The following SAMD12 variants were observed in gnomAD, a reference collection of about 807,000 sequenced individuals.
The protein encoded by SAMD12 is sterile alpha motif domain containing 12.
In SAMD12, 9 loss-of-function variants were observed where a neutral mutation model predicts 15.0. That is an observed-to-expected ratio of 0.60 (90% CI 0.36 to 1.05). The LOEUF (loss-of-function observed/expected upper bound fraction) is 1.05. Among genes scored for constraint, SAMD12 ranks in the 50% least tolerant of loss-of-function variants. The pLI, the probability that SAMD12 is intolerant of heterozygous loss-of-function variation, is 0.01. For synonymous variants in SAMD12, 86 were observed against 90.1 expected (o/e 0.96, Z 0.25); for missense variants, 230 against 234.2 (o/e 0.98, Z 0.12).
intron 4 of SAMD12, among the ~76,000 whole-genome samples, chr8:118,355,345 A>G (rs1272018676): frequency 6.6e-6 from 1 of 152,232 alleles, no homozygotes; most frequent in African/African-American, 2.4e-5. Context: ...ATGAGGATGC[A>G]AATGCATAAG....
intron 2 of SAMD12, among the ~76,000 whole-genome samples, chr8:118,479,672 T>C (rs1824068079): frequency 6.6e-6 from 1 of 152,184 alleles, no homozygotes; most frequent in African/African-American, 2.4e-5. Flanking sequence ...CTTTTTCAAG[T>C]ATTTACTAAA....
rs1819535222 is a variant in SAMD12, at chr8:118,379,151, A to C, written c.*266T>G. 8.3e-7 allele frequency: 1 copy of C among 1,208,094 alleles called. No homozygotes were observed. Among genetic ancestry groups the C allele is most frequent in the Non-Finnish European group, 1.0e-6 (1 of 967,438 alleles). The allele number at this position is 1,208,094 out of a possible 1,614,324, so 74.8% of individuals were successfully genotyped here. A position where few individuals can be genotyped will look rare whatever the true frequency, so the allele number is the denominator to read the frequency against. On this transcript the variant is annotated 3_prime_UTR_variant, in exon 4 of 4. Transcript: ENST00000314727. The stretch of plus-strand genomic sequence containing the variant: ...GTAACTATTGAATCACTCAAATGCT[A>C]AAGCGCCCTCACAATTGGCGCAGGT...
chr8:118,442,402 A>G (rs1822789729), intron 2 of SAMD12, among the ~76,000 whole-genome samples: 1 of 152,208 alleles, frequency 6.6e-6, no homozygotes, highest in South Asian at 2.1e-4. Flanking sequence ...CTCCTAATCA[A>G]ACATGCCTGC....
intron 4 of SAMD12, among the ~76,000 whole-genome samples, chr8:118,297,206 A>T (rs1303977225): frequency 6.6e-6 from 1 of 152,192 alleles, no homozygotes; most frequent in Non-Finnish European, 1.5e-5. Context: ...CATGTTCACC[A>T]TGGCTCACCA....
chr8:118,316,537 C>A (rs1487071608), intron 4 of SAMD12, among the ~76,000 whole-genome samples: 7 of 149,252 alleles, frequency 4.7e-5, no homozygotes, highest in Middle Eastern at 3.5e-3. Flanking sequence ...TGCCTCAAAA[C>A]AAACAAACAA....
chr8:118,507,984 T>A (rs552970578), intron 2 of SAMD12, among the ~76,000 whole-genome samples: 44 of 135,314 alleles, frequency 3.3e-4, no homozygotes, highest in Non-Finnish European at 5.5e-4. Flanking sequence ...CTAGATAGTA[T>A]AATCTCCTTT....
chr8:118,436,649 A>G (rs1822581846), intron 3 of SAMD12, among the ~76,000 whole-genome samples: 1 of 152,218 alleles, frequency 6.6e-6, no homozygotes, highest in African/African-American at 2.4e-5. Flanking sequence ...TAAGAGATAC[A>G]TGAACAATCT....
At chr8:118,427,574 C>T (rs939014342) in intron 3 of SAMD12, among the ~76,000 whole-genome samples, 13 of 151,934 alleles carry the variant, frequency 8.6e-5, no homozygotes, top group Non-Finnish European at 1.6e-4. Flanking sequence ...TTGGGTTTAA[C>T]GTGTTTCACC....
At chr8:118,144,004 T>C in the SAMD12 span, among the ~76,000 whole-genome samples, 1 of 152,190 alleles carries the variant, frequency 6.6e-6, no homozygotes, top group African/African-American at 2.4e-5. Flanking sequence ...TGTTCCCTCC[T>C]AAAGTTCTGG....
intron 4 of SAMD12, among the ~76,000 whole-genome samples, chr8:118,239,208 C>T (rs943125734): frequency 2.0e-5 from 3 of 152,054 alleles, no homozygotes; most frequent in Non-Finnish European, 4.4e-5. Context: ...TCACCTAGTA[C>T]ATACAAAGCT....
intron 4 of SAMD12, among the ~76,000 whole-genome samples, chr8:118,346,766 A>G (rs1817682218): frequency 6.6e-6 from 1 of 152,256 alleles, no homozygotes; most frequent in Non-Finnish European, 1.5e-5. Flanking sequence ...GACAGAGTCC[A>G]GAGAAAATCA....
intron 4 of SAMD12, among the ~76,000 whole-genome samples, chr8:118,261,810 G>C (rs1164068017): frequency 1.3e-5 from 2 of 151,844 alleles, no homozygotes; most frequent in African/African-American, 2.4e-5. Context: ...TCATTTTATG[G>C]AGCACAGAGC....
At chr8:118,189,172 C>T (rs1819294671), downstream of SAMD12, among the ~76,000 whole-genome samples, 1 of 152,082 alleles carries the variant, frequency 6.6e-6, no homozygotes, top group African/African-American at 2.4e-5. Flanking sequence ...CTAAAGAGTT[C>T]ACCAGTCATT....
chr8:118,278,405 T>C (rs1176974021), intron 4 of SAMD12, among the ~76,000 whole-genome samples: 1 of 152,206 alleles, frequency 6.6e-6, no homozygotes, highest in East Asian at 1.9e-4. Context: ...AAAAAGACTC[T>C]CTTTTCTTCT....
At chr8:118,318,142 A>T (rs1434484569) in intron 4 of SAMD12, among the ~76,000 whole-genome samples, 1 of 151,806 alleles carries the variant, frequency 6.6e-6, no homozygotes, top group African/African-American at 2.4e-5. Flanking sequence ...CAATATGAAG[A>T]TACCTTAAAG....
intron 4 of SAMD12, among the ~76,000 whole-genome samples, chr8:118,304,007 TA>T (rs1815180326): frequency 6.6e-6 from 1 of 152,204 alleles, no homozygotes; most frequent in African/African-American, 2.4e-5. Context: ...GACTCCCCTC[TA>T]TTCTCTGTTC....
intron 2 of SAMD12, among the ~76,000 whole-genome samples, chr8:118,568,709 G>C (rs980577908): frequency 1.3e-5 from 2 of 152,174 alleles, no homozygotes; most frequent in Non-Finnish European, 2.9e-5. Flanking sequence ...AAGTCCAGGA[G>C]TTATTGACTT....
chr8:118,588,008 T>C (rs966049829), intron 1 of SAMD12, among the ~76,000 whole-genome samples: 7 of 152,224 alleles, frequency 4.6e-5, no homozygotes, highest in African/African-American at 9.6e-5. Context: ...ATAGTATGAA[T>C]AACAGATATA....
At chr8:118,237,028 T>C (rs1480389362) in intron 4 of SAMD12, among the ~76,000 whole-genome samples, 1 of 152,190 alleles carries the variant, frequency 6.6e-6, no homozygotes, top group African/African-American at 2.4e-5. Flanking sequence ...CCTTAAGTCT[T>C]GCCTTTCCCA....
Sources: gnomAD v4.1 joint callset for allele counts (sites outside exome capture counted in the v4.1 genomes callset) on GRCh38, gnomAD v4.1.1 for gene constraint, MANE v1.5 for transcripts, NCBI Gene and HGNC (gene_info 2026-07-23, HGNC 2026-07-21) for gene names.